The following PLEC variants were observed in gnomAD, a reference collection of about 807,000 sequenced individuals.
PLEC encodes the protein plectin.
PLEC carries 216 observed loss-of-function variants against 392.8 expected under a neutral mutation model. The observed-to-expected ratio is 0.55, with a 90% CI of 0.49 to 0.62. PLEC has a LOEUF of 0.62. Ranked by LOEUF, PLEC falls within the 20% of genes least tolerant of loss-of-function variation. The probability of loss-of-function intolerance (pLI) is 0.00; values close to 1 mark genes in which losing one functional copy is unlikely to be tolerated. For synonymous variants in PLEC, 3,621 were observed against 2,980.6 expected (o/e 1.21, Z -7.00); for missense variants, 6,863 against 6,563.4 (o/e 1.05, Z -1.58).
chr8:143,921,061 C>A lies in PLEC; in HGVS notation c.8760G>T (p.Lys2920Asn), dbSNP rs782654615. 1.2e-6 allele frequency: 2 copies of A among 1,612,156 alleles called. No homozygotes were observed. The highest frequency in any genetic ancestry group is 3.3e-5 in the Admixed American group (2 of 60,034). The change falls in exon 32 of 32, where the codon AAG becomes AAT. Residue 2920 changes from lysine (K) to asparagine (N), a missense_variant. Physicochemically the swap from Lys to Asn is moderately conservative, Grantham distance 94. Coordinates refer to ENST00000345136, the MANE Select transcript of PLEC (RefSeq NM_201384.3). ...VSAPFGKFQGKTVTIWEIINS... is the reference protein window; with the variant it reads ...VSAPFGKFQGNTVTIWEIINS... ...TGATGATCTCCCAAATGGTCACCGT[C>A]TTGCCCTGGAACTTGCCGAACGGCG...
At chr8:143,976,319 C>T (rs1359622375), upstream of PLEC, among the ~76,000 whole-genome samples, 1 of 152,114 alleles carries the variant, frequency 6.6e-6, no homozygotes, top group Non-Finnish European at 1.5e-5. Context: ...AGGGGGTGGG[C>T]TGGCGCGGGG....
chr8:143,976,510 A>AC (rs1434059409), upstream of PLEC, among the ~76,000 whole-genome samples: 1 of 151,190 alleles, frequency 6.6e-6, no homozygotes, highest in Non-Finnish European at 1.5e-5. Context: ...TCCTGCCCAC[A>AC]CCCCGGGCAC....
In PLEC at chr8:143,921,790, G is replaced by C; in HGVS notation, c.8031C>G (p.Thr2677=). ...CCCGCCGTGCGAGCTCGTCCACCGT[G>C]GTGTGGCCCTGCGCCAACCGCTGCA... ...EELQRLAQGH[T]TVDELARRED... Residue 2677 remains threonine (T), a synonymous_variant, in exon 32 of 32, where the codon ACC becomes ACG. Transcript: ENST00000345136. The C allele has an allele frequency of 1.2e-6, 2 of 1,610,810 alleles. No homozygotes were observed.
chr8:143,962,686 C>T (rs1243164349), intron 1 of PLEC, among the ~76,000 whole-genome samples: 1 of 152,204 alleles, frequency 6.6e-6, no homozygotes, highest in Non-Finnish European at 1.5e-5. Context: ...AAAGGTGCTT[C>T]TCACATTGAA....
rs782292253 is a variant in PLEC at position 143,923,346 on chromosome 8, G to C, written c.6583C>G (p.Leu2195Val). The C allele has an allele frequency of 5.0e-6, 8 of 1,610,154 alleles. No homozygotes were observed. In the South Asian group the frequency reaches 8.8e-5, roughly 18 times the overall value. ...TTCTTCTGGTGGTCGGTCTCCTCCA[G>C]CTGCAGCCGCAGTGTTGTCAGCTCC... ...EQELTTLRLQ[L>V]EETDHQKNLL... The change falls in exon 31 of 32, where the codon CTG becomes GTG. Residue 2195 changes from leucine (L) to valine (V), a missense_variant. Transcript: ENST00000345136.
chr8:143,931,278 CCCTTG>C (rs2131832616), intron 19 of PLEC, among the ~76,000 whole-genome samples: 1 of 151,002 alleles, frequency 6.6e-6, no homozygotes, highest in South Asian at 2.1e-4. Context: ...CCTCATTCCC[CCCTTG>C]GCTGACCTCT....
At chr8:143,942,634 ACCTCC>A, upstream of PLEC, 1 of 1,220,034 alleles carries the variant, frequency 8.2e-7, no homozygotes, top group Non-Finnish European at 1.1e-6. Flanking sequence ...CACCTCTTCC[ACCTCC>A]CCCCCACAAT....
intron 1 of PLEC, 69 bp from the exon 2 acceptor site, chr8:143,938,761 G>C: frequency 7.5e-7 from 1 of 1,330,504 alleles, no homozygotes; most frequent in Non-Finnish European, 1.1e-6. Flanking sequence ...TGACCACCGT[G>C]CAGACACAGC....
chr8:143,975,131 A>G (rs200975535), upstream of PLEC: 570 of 1,582,390 alleles, frequency 3.6e-4, 1 homozygote, highest in Middle Eastern at 3.8e-3. This position sits in a 1 kb window ranked among gnomAD's most constrained non-coding sequence, Gnocchi z 9.9. Context: ...AACTCAGTCA[A>G]CCTCGCGTGC....
intron 1 of PLEC, among the ~76,000 whole-genome samples, chr8:143,970,630 A>G (rs1833377472): frequency 6.6e-6 from 1 of 152,128 alleles, no homozygotes; most frequent in Non-Finnish European, 1.5e-5. Flanking sequence ...TGTAGCTGTC[A>G]ATTCCAGGAT....
Position 143,921,763 on chromosome 8 carries a change from T to C in PLEC, c.8058A>G (p.Glu2686=). The change falls in exon 32 of 32, where the codon GAA becomes GAG. Residue 2686 remains glutamate (E), a synonymous_variant. Coordinates refer to ENST00000345136, the MANE Select transcript of PLEC (RefSeq NM_201384.3). ...HTTVDELARR[E]DVRHYLQGRS... ...GGCCCTGCAGGTAGTGGCGCACGTCTTCCCGCCGTGCGAGCTCGTCCACCG... is the reference window on the plus strand; with the variant it reads ...GGCCCTGCAGGTAGTGGCGCACGTCCTCCCGCCGTGCGAGCTCGTCCACCG... 2 of 1,612,192 alleles carry C rather than the reference T, an allele frequency of 1.2e-6. No homozygotes were observed. Among genetic ancestry groups the C allele is most frequent in the African/African-American group, 2.7e-5 (2 of 75,056 alleles).
chr8:143,918,020 C>T lies in PLEC; in HGVS notation c.11801G>A (p.Cys3934Tyr). The T allele has an allele frequency of 3.1e-6, 5 of 1,611,042 alleles. No homozygotes were observed. Among genetic ancestry groups the T allele is most frequent in the East Asian group, 2.2e-5 (1 of 44,840 alleles). The change falls in exon 32 of 32, where the codon TGC (cysteine) becomes TAC (tyrosine). Residue 3934 changes from cysteine (C) to tyrosine (Y), a missense_variant. By Grantham distance (194) the Cys-to-Tyr change is radical (BLOSUM62 -2). Coordinates refer to ENST00000345136, the MANE Select transcript of PLEC (RefSeq NM_201384.3). ...NLQKFLEGTSCIAGVFVDATK... is the reference protein window; with the variant it reads ...NLQKFLEGTSYIAGVFVDATK... ...GGCGTCCACGAAGACACCAGCGATG[C>T]AGCTGGTGCCTTCCAGGAACTTCTG...
intron 1 of PLEC, among the ~76,000 whole-genome samples, chr8:143,949,986 C>A (rs371086930): frequency 6.6e-6 from 1 of 152,134 alleles, no homozygotes; most frequent in African/African-American, 2.4e-5. Flanking sequence ...GGTCCCCAGC[C>A]GAGGAGGAGG....
rs199612329 is a variant in PLEC, at chr8:143,924,949, G to T, written c.4980C>A (p.Ala1660=). The change falls in exon 31 of 32, where the codon GCC becomes GCA. Residue 1660 remains alanine (A), a synonymous_variant. Coordinates refer to ENST00000345136, the MANE Select transcript of PLEC (RefSeq NM_201384.3). The part of the protein sequence containing the change: ...EVAQQKSLAQ[A]EAEKQKEEAE... The stretch of plus-strand genomic sequence containing the variant: ...CCTCCTCCTTCTGCTTCTCAGCCTC[G>T]GCCTGCGCCAGGCTCTTCTGCTGCG... The T allele has an allele frequency of 1.3e-5, 20 of 1,580,782 alleles. No individual in the cohort carries two copies. The East Asian group carries it at 4.6e-4, about 36-fold the overall frequency.
upstream of PLEC, among the ~76,000 whole-genome samples, chr8:143,951,953 G>T (rs1474963794): frequency 2.0e-5 from 3 of 151,900 alleles, no homozygotes; most frequent in African/African-American, 7.2e-5. Context: ...CCCACGCTGT[G>T]CTCCATGGAC....
intron 1 of PLEC, among the ~76,000 whole-genome samples, chr8:143,972,614 G>C (rs373445724): frequency 6.6e-6 from 1 of 152,186 alleles, no homozygotes; most frequent in African/African-American, 2.4e-5. Flanking sequence ...GGCCCCCACC[G>C]CGACCCTCCC....
intron 1 of PLEC, among the ~76,000 whole-genome samples, chr8:143,948,735 G>A (rs1169293017): frequency 1.3e-5 from 2 of 152,160 alleles, no homozygotes; most frequent in African/African-American, 2.4e-5. Context: ...CCAGCTGCCC[G>A]CCCTGCAGGC....
At chr8:143,975,693 G>A (rs1313840754), upstream of PLEC, among the ~76,000 whole-genome samples, 1 of 150,880 alleles carries the variant, frequency 6.6e-6, no homozygotes, top group Admixed American at 6.6e-5. The surrounding 1 kb of genome is among the most constrained non-coding windows in gnomAD (Gnocchi z 9.9). Context: ...GACCACCCTG[G>A]CCACCCCCAC....
rs781840689 is a variant in PLEC at position 143,922,497 on chromosome 8, G to A, written c.7425+7C>T. The A allele has an allele frequency of 3.3e-5, 53 of 1,607,258 alleles. No individual in the cohort carries two copies. The highest frequency in any genetic ancestry group is 4.2e-5 in the Non-Finnish European group (50 of 1,179,990). ...CACCCGCCCGTCGCACGTAGAGGGG[G>A]CGGTACCTCCTCAGACTTGAGCTGC... On this transcript the variant is annotated splice_region_variant and intron_variant, in intron 31 of 31. Transcript: ENST00000345136.
Sources: gnomAD v4.1 joint callset for allele counts (sites outside exome capture counted in the v4.1 genomes callset) on GRCh38, gnomAD v4.1.1 for gene constraint, Gnocchi (gnomAD v3.1) non-coding constraint, MANE v1.5 for transcripts, NCBI Gene and HGNC (gene_info 2026-07-23, HGNC 2026-07-21) for gene names.